Variants in NRG4 observed in about 807,000 individuals in gnomAD.
NRG4 encodes the protein pro-neuregulin-4, membrane-bound isoform.
In NRG4, 10 loss-of-function variants were observed where a neutral mutation model predicts 15.0. The observed-to-expected ratio is 0.67, with a 90% confidence interval of 0.41 to 1.13. NRG4 has a LOEUF of 1.13. NRG4 is among the 50% of genes most tolerant of loss of function. The probability of loss-of-function intolerance (pLI) is 0.00; values close to 1 mark genes in which losing one functional copy is unlikely to be tolerated. For missense variants in NRG4, 139 were observed against 140.2 expected (o/e 0.99, Z 0.04); for synonymous variants, 41 against 50.1 (o/e 0.82, Z 0.77).
In NRG4 at chr15:75,943,488, C is replaced by G. The variant is rs1375939137; in HGVS notation, c.*150G>C. ...ACATTACAGAAGCACACACACCTTGCAGCAGAATGGATTATGGTTCATGAT... is the reference window on the plus strand; with the variant it reads ...ACATTACAGAAGCACACACACCTTGGAGCAGAATGGATTATGGTTCATGAT... On this transcript the variant is annotated 3_prime_UTR_variant, in exon 6 of 6. Coordinates refer to ENST00000394907, the MANE Select transcript of NRG4 (RefSeq NM_138573.4). 1 of 613,332 alleles carries G rather than the reference C, an allele frequency of 1.6e-6. No individual in the cohort carries two copies. Among genetic ancestry groups the G allele is most frequent in the Non-Finnish European group, 2.9e-6 (1 of 345,890 alleles). The allele number at this position is 613,332 out of a possible 1,614,324, so 38.0% of individuals were successfully genotyped here.
intron 3 of NRG4, among the ~76,000 whole-genome samples, chr15:75,989,633 T>G (rs2033932385): frequency 6.6e-6 from 1 of 152,234 alleles, no homozygotes; most frequent in African/African-American, 2.4e-5. Flanking sequence ...TATTTCATTT[T>G]TCAGCTTCTA....
intron 4 of NRG4, among the ~76,000 whole-genome samples, chr15:76,044,701 G>A (rs1276881885): frequency 2.0e-5 from 3 of 149,742 alleles, no homozygotes; most frequent in Non-Finnish European, 3.0e-5. Context: ...CGGGCATAGT[G>A]GCGGGCACCT....
In NRG4 at chr15:75,961,907, T is replaced by A. The variant is rs557726587; in HGVS notation, c.172A>T (p.Lys58Ter). ...VFLPGSSIQT[K>*]SNLFEAFVAL... is the part of the protein sequence containing the mutation. ...ACAAAAGCTTCAAACAGGTTACTTTTAGTTTGGATGCTGGAGCCTGGGAGA... is the reference window on the plus strand; with the variant it reads ...ACAAAAGCTTCAAACAGGTTACTTTAAGTTTGGATGCTGGAGCCTGGGAGA... The change falls in exon 4 of 6, where the codon AAA (lysine) becomes TAA (stop). Residue 58 changes from lysine (K) to a stop codon, truncating the protein, a stop_gained. Transcript: ENST00000394907. LOFTEE classifies it high-confidence loss of function. The A allele has an allele frequency of 6.2e-7, 1 of 1,613,644 alleles. No homozygotes were observed. Among genetic ancestry groups the A allele is most frequent in the African/African-American group, 1.3e-5 (1 of 75,044 alleles).
Position 75,950,081 on chromosome 15 carries a change from T to G in NRG4, c.331+5851A>C, listed in dbSNP as rs1173259551. ...ATTTGAGAACTGACACCTTACAATA[T>G]TGAATCTTCCAAATCTATGAACAAA... On this transcript the variant is annotated intron_variant, in intron 5 of 5. Transcript: ENST00000394907. 2.6e-5 allele frequency among the ~76,000 whole-genome samples: 4 copies of G among 152,348 alleles called. No individual in the cohort carries two copies. In the East Asian group the frequency reaches 7.7e-4, roughly 29 times the overall value.
intron 3 of NRG4, among the ~76,000 whole-genome samples, chr15:75,990,372 C>T (rs74024045): frequency 0.04 from 6,017 of 152,172 alleles, 217 homozygotes; most frequent in African/African-American, 0.094. Flanking sequence ...TCTCTCTGCA[C>T]CACGGTCCAG....
At chr15:76,015,211 G>A (rs1036176143), upstream of NRG4, among the ~76,000 whole-genome samples, 1 of 152,228 alleles carries the variant, frequency 6.6e-6, no homozygotes, top group African/African-American at 2.4e-5. Context: ...AGACTTTGCT[G>A]AAGTTGCTAT....
chr15:75,951,199 ACT>A (rs1483851283), intron 5 of NRG4: 32 of 107,350 alleles, frequency 3.0e-4, no homozygotes, highest in African/African-American at 8.8e-4. Flanking sequence ...ACGGAGTCTC[ACT>A]CTGTTGCCCT....
intron 3 of NRG4, among the ~76,000 whole-genome samples, chr15:75,993,385 G>A (rs2034095452): frequency 8.0e-6 from 1 of 125,506 alleles, no homozygotes; most frequent in Non-Finnish European, 1.6e-5. Flanking sequence ...AGTCACTGAG[G>A]ATTCTGTAAA....
chr15:76,007,219 C>T (rs547348050), intron 3 of NRG4, among the ~76,000 whole-genome samples: 5 of 151,820 alleles, frequency 3.3e-5, no homozygotes, highest in East Asian at 1.9e-4. Flanking sequence ...TATAAAGCTA[C>T]GTTTATCAAG....
Position 75,943,463 on chromosome 15 carries a change from A to G in NRG4, c.*175T>C. On this transcript the variant is annotated 3_prime_UTR_variant, in exon 6 of 6. Transcript: ENST00000394907. ...TTAGCAGTTGCCGATGGACTGATGC[A>G]CATTACAGAAGCACACACACCTTGC... 1 of 584,088 alleles carries G rather than the reference A, an allele frequency of 1.7e-6. No homozygotes were observed. Among genetic ancestry groups the G allele is most frequent in the Non-Finnish European group, 3.0e-6 (1 of 330,144 alleles). The allele number at this position is 584,088 out of a possible 1,614,324, so 36.2% of individuals were successfully genotyped here. A position where few individuals can be genotyped will look rare whatever the true frequency, so the allele number is the denominator to read the frequency against.
At chr15:75,938,695 G>A (rs930107121), downstream of NRG4, 3 of 152,074 alleles carry the variant, frequency 2.0e-5, no homozygotes, top group African/African-American at 7.2e-5. Flanking sequence ...ACTTGAGATG[G>A]GATCACTGAA....
intron 4 of NRG4, among the ~76,000 whole-genome samples, chr15:76,039,990 A>T (rs2035691975): frequency 6.6e-6 from 1 of 151,980 alleles, no homozygotes; most frequent in East Asian, 1.9e-4. Context: ...CCAAGATTGC[A>T]CTACTGCACC....
At chr15:75,972,337 A>G (rs929849559) in intron 3 of NRG4, among the ~76,000 whole-genome samples, 14 of 151,960 alleles carry the variant, frequency 9.2e-5, no homozygotes, top group African/African-American at 2.4e-4. Flanking sequence ...CACTCTGATG[A>G]TAGTTTCTTT....
intron 1 of NRG4, among the ~76,000 whole-genome samples, chr15:76,057,881 T>C (rs1281061584): frequency 6.6e-6 from 1 of 151,338 alleles, no homozygotes; most frequent in Non-Finnish European, 1.5e-5. Context: ...TAAATAGCCA[T>C]TGTAGAAAAA....
chr15:76,000,172 C>G (rs2034359538), intron 3 of NRG4, among the ~76,000 whole-genome samples: 1 of 152,184 alleles, frequency 6.6e-6, no homozygotes, highest in Non-Finnish European at 1.5e-5. Flanking sequence ...GCATGAGCCA[C>G]TGCACCTGGC....
chr15:75,963,551 G>A (rs1266338436), intron 3 of NRG4, among the ~76,000 whole-genome samples: 5 of 152,070 alleles, frequency 3.3e-5, no homozygotes, highest in African/African-American at 4.8e-5. Context: ...AGGCCGAGGC[G>A]GGCAGATCAC....
At chr15:75,983,826 G>C (rs891446794) in intron 3 of NRG4, among the ~76,000 whole-genome samples, 1 of 151,888 alleles carries the variant, frequency 6.6e-6, no homozygotes. Flanking sequence ...ACATATTCTA[G>C]GCTAAATAGA....
At position 75,988,853 on chromosome 15, in the gene NRG4, C is replaced by CTTT. The variant is rs71444946; in HGVS notation, c.104+20344_104+20346dup. On this transcript the variant is annotated intron_variant, in intron 3 of 5. Transcript: ENST00000394907. Reference sequence around the variant, plus strand: ...ATAGAATCTAGAATCCTGCACCTTCCTTTTTTTTTTTTTTTTTTTTTTGAG... The same window carrying CTTT: ...ATAGAATCTAGAATCCTGCACCTTCCTTTTTTTTTTTTTTTTTTTTTTTTTGAG... Among the ~76,000 whole-genome samples the CTTT allele has an allele frequency of 1.8e-3, 197 of 109,636 alleles. 2 individuals carry two copies. The highest frequency in any genetic ancestry group is 2.2e-3 in the Non-Finnish European group (118 of 53,892). The allele number at this position is 109,636 out of a possible 152,430, so 71.9% of individuals were successfully genotyped here.
At chr15:76,015,146 C>A (rs2034936653), upstream of NRG4, among the ~76,000 whole-genome samples, 1 of 152,012 alleles carries the variant, frequency 6.6e-6, no homozygotes, top group Non-Finnish European at 1.5e-5. Flanking sequence ...CTCTCTTTGT[C>A]TGTTATTGGT....
Sources: gnomAD v4.1 joint callset for allele counts (sites outside exome capture counted in the v4.1 genomes callset) on GRCh38, gnomAD v4.1.1 for gene constraint, MANE v1.5 for transcripts, NCBI Gene and HGNC (gene_info 2026-07-23, HGNC 2026-07-21) for gene names.